The following RTL9 variants were observed in gnomAD, a reference collection of about 807,000 sequenced individuals.
RTL9 encodes retrotransposon Gag-like protein 9.
In RTL9, 19 loss-of-function variants were observed where a neutral mutation model predicts 44.7. The observed-to-expected ratio is 0.42, with a 90% CI of 0.30 to 0.62. The LOEUF is 0.62. Among genes scored for constraint, RTL9 ranks in the 20% least tolerant of loss-of-function variants. The probability of loss-of-function intolerance (pLI) is 0.16; values close to 1 mark genes in which losing one functional copy is unlikely to be tolerated. For missense variants in RTL9, 1,105 were observed against 1,080.6 expected, an observed-to-expected ratio of 1.02 and a Z score of -0.32; for synonymous variants, 407 against 398.9, an observed-to-expected ratio of 1.02 and a Z score of -0.24.
Position 110,440,837 on chromosome X carries a change from G to A in RTL9, c.-167-4316G>A, listed in dbSNP as rs368571851. 6.3e-5 allele frequency among the ~76,000 whole-genome samples: 7 copies of A among 111,922 alleles called. No homozygotes were observed. In the East Asian group the frequency reaches 2.0e-3, roughly 31 times the overall value. ...CAGTAGGGTCTCTGTGATTTTCTTG[G>A]GATTTGAGAAATCTTCCCTCCCTAG... On this transcript the variant is annotated intron_variant, in intron 1 of 3. Transcript: ENST00000465301.
At chrX:110,365,409 T>C (rs1416311637) in intron 1 of RTL9, among the ~76,000 whole-genome samples, 1 of 112,470 alleles carries the variant, frequency 8.9e-6, no homozygotes, top group Non-Finnish European at 1.9e-5. Flanking sequence ...AATAATCACT[T>C]ACCTTATTGC....
At position 110,427,165 on chromosome X, in the gene RTL9, A is replaced by G. The variant is rs188116052; in HGVS notation, c.-168+8030A>G. Reference sequence around the variant, plus strand: ...CCACCTCCAGACATCTCTTGCCTTGATTCCTACAATACCTTCTGGTTTTCT... The same window carrying G: ...CCACCTCCAGACATCTCTTGCCTTGGTTCCTACAATACCTTCTGGTTTTCT... On this transcript the variant is annotated intron_variant, in intron 1 of 3. Transcript: ENST00000465301. 4.5e-3 allele frequency among the ~76,000 whole-genome samples: 507 copies of G among 111,826 alleles called. 2 individuals are homozygous for G. Among genetic ancestry groups the G allele is most frequent in the Non-Finnish European group, 7.5e-3 (400 of 53,085 alleles).
At chrX:110,442,627 T>C (rs897477197) in intron 1 of RTL9, among the ~76,000 whole-genome samples, 1 of 111,834 alleles carries the variant, frequency 8.9e-6, no homozygotes. Context: ...TGAACTTGAG[T>C]ACTTCATTCC....
At chrX:110,409,561 G>GCC (rs2068626958) in intron 1 of RTL9, among the ~76,000 whole-genome samples, 1 of 111,138 alleles carries the variant, frequency 9.0e-6, no homozygotes, top group Non-Finnish European at 1.9e-5. Context: ...ATCTGTCAAT[G>GCC]CCCTCCATGC....
At chrX:110,451,793 A>G (rs769906122) in exon 1 of RTL9, 28 of 1,209,695 alleles carry the variant, frequency 2.3e-5, no homozygotes, top group Non-Finnish European at 8.9e-6. Flanking sequence ...CAGTGAGAGC[A>G]ACAGCCTCTG....
rs192273628 is a variant in RTL9, at chrX:110,375,926, C to T, written c.-168+17010C>T. Among the ~76,000 whole-genome samples, 496 of 111,371 alleles carry T rather than the reference C, an allele frequency of 4.5e-3. 3 individuals carry two copies. The highest frequency in any genetic ancestry group is 0.016 in the African/African-American group (484 of 30,654). On this transcript the variant is annotated intron_variant, in intron 1 of 2. Coordinates refer to the RTL9 transcript ENST00000520821. ...CTTATGGTAGGGCTAATATTGATGT[C>T]AGTTATAGTTAGCATTCATTGACTA...
chrX:110,376,766 A>G (rs1237644737), intron 1 of RTL9, among the ~76,000 whole-genome samples: 1 of 112,619 alleles, frequency 8.9e-6, no homozygotes, highest in Non-Finnish European at 1.9e-5. Context: ...CTGTTCTGTC[A>G]TCTAGAATAT....
chrX:110,428,775 G>T (rs770457276), intron 1 of RTL9, among the ~76,000 whole-genome samples: 21 of 111,835 alleles, frequency 1.9e-4, no homozygotes, highest in Non-Finnish European at 3.6e-4. Context: ...ATTCCCCTAT[G>T]GAATACCAGC....
rs763540189 is a variant in RTL9, at chrX:110,407,602, C to T, written c.-167-37551C>T. On this transcript the variant is annotated intron_variant, in intron 1 of 2. Coordinates refer to the RTL9 transcript ENST00000520821. ...AGAGAGTCTAAGTGAATTTCTTTGT[C>T]TTTAAGCAGTATGAGATAGACCCTG... Among the ~76,000 whole-genome samples, 10 of 112,241 alleles carry T rather than the reference C, an allele frequency of 8.9e-5. 1 individual carries two copies. The South Asian group carries it at 3.7e-3, about 42-fold the overall frequency.
At chrX:110,386,715 G>C (rs1242229140) in intron 1 of RTL9, among the ~76,000 whole-genome samples, 1 of 111,788 alleles carries the variant, frequency 8.9e-6, no homozygotes, top group Non-Finnish European at 1.9e-5. Context: ...GTATTAGAAA[G>C]AATGAGATCT....
exon 1 of RTL9, chrX:110,451,933 C>T (rs201596621): frequency 8.3e-7 from 1 of 1,211,070 alleles, no homozygotes; most frequent in Non-Finnish European, 1.1e-6. Flanking sequence ...GCCATGACCA[C>T]CTCACTGATG....
intron 1 of RTL9, among the ~76,000 whole-genome samples, chrX:110,436,010 G>A (rs887759968): frequency 8.9e-5 from 10 of 112,415 alleles, no homozygotes; most frequent in African/African-American, 2.3e-4. Context: ...AAAGCCTGCC[G>A]GTGTGGCTCC....
At chrX:110,389,593 T>A (rs2068480873) in intron 1 of RTL9, among the ~76,000 whole-genome samples, 1 of 112,178 alleles carries the variant, frequency 8.9e-6, no homozygotes, top group Non-Finnish European at 1.9e-5. Context: ...TACCATACCC[T>A]TAAGGTTATT....
chrX:110,443,757 G>A (rs2068894775), intron 1 of RTL9, among the ~76,000 whole-genome samples: 1 of 112,255 alleles, frequency 8.9e-6, no homozygotes, highest in African/African-American at 3.2e-5. Flanking sequence ...CATGAGGTGC[G>A]TAAACTGTAG....
chrX:110,363,321 T>C (rs1324477393), intron 1 of RTL9, among the ~76,000 whole-genome samples: 6 of 111,926 alleles, frequency 5.4e-5, no homozygotes, highest in African/African-American at 1.6e-4. Context: ...GGCCACCAAC[T>C]CTAGAATTAA....
intron 1 of RTL9, among the ~76,000 whole-genome samples, chrX:110,424,555 C>T (rs1422686611): frequency 1.8e-5 from 2 of 111,870 alleles, no homozygotes; most frequent in African/African-American, 6.5e-5. Flanking sequence ...AACATTCACT[C>T]ACCAATCATT....
intron 1 of RTL9, among the ~76,000 whole-genome samples, chrX:110,368,461 G>A (rs1165607179): frequency 9.0e-6 from 1 of 111,389 alleles, no homozygotes; most frequent in Non-Finnish European, 1.9e-5. Flanking sequence ...AAAACTCCCA[G>A]AGGTCCATTG....
Position 110,452,387 on chromosome X carries a change from GC to G in RTL9, c.1771del (p.Leu591CysfsTer2). On this transcript the variant is annotated frameshift_variant, in exon 1 of 2. Transcript: ENST00000540313. LOFTEE classifies it high-confidence loss of function. ...CCCAAACCTCTGGATCAACATCCAC[GC>G]TGTTAATGAGAGACACAGCCTCAGG... The G allele has an allele frequency of 8.3e-7, 1 of 1,211,524 alleles. No homozygotes were observed. The highest frequency in any genetic ancestry group is 1.1e-6 in the Non-Finnish European group (1 of 895,419).
At chrX:110,429,348 G>A (rs1323657356) in intron 1 of RTL9, among the ~76,000 whole-genome samples, 4 of 110,877 alleles carry the variant, frequency 3.6e-5, no homozygotes, top group East Asian at 5.6e-4. Context: ...CCAAAAAACA[G>A]TAGACACTGC....
Sources: gnomAD v4.1 joint callset for allele counts (sites outside exome capture counted in the v4.1 genomes callset) on GRCh38, gnomAD v4.1.1 for gene constraint, MANE v1.5 for transcripts, NCBI Gene and HGNC (gene_info 2026-07-23, HGNC 2026-07-21) for gene names.